The following APC variants were observed in gnomAD, a reference collection of about 807,000 sequenced individuals.
APC encodes the protein APC regulator of Wnt signaling pathway, also known as adenomatous polyposis coli protein.
A neutral mutation model predicts 247.0 loss-of-function variants in APC; 72 were observed. That is an observed-to-expected ratio of 0.29 (90% CI 0.24 to 0.35). APC has a LOEUF of 0.35. Among genes scored for constraint, APC ranks in the 10% least tolerant of loss-of-function variants. The pLI, the probability that APC is intolerant of heterozygous loss-of-function variation, is 1.00. For synonymous variants in APC, 1,254 were observed against 1,162.5 expected, an observed-to-expected ratio of 1.08 and a Z score of -1.60; for missense variants, 3,400 against 3,360.7, an observed-to-expected ratio of 1.01 and a Z score of -0.29.
At chr5:112,825,249 A>G (rs1452733130) in intron 11 of APC, among the ~76,000 whole-genome samples, 2 of 152,282 alleles carry the variant, frequency 1.3e-5, no homozygotes, top group East Asian at 3.9e-4. Flanking sequence ...TCCCCAGTCC[A>G]AGCCACCATC....
intron 1 of APC, among the ~76,000 whole-genome samples, chr5:112,746,278 C>T (rs369988437): frequency 1.3e-4 from 20 of 151,856 alleles, no homozygotes; most frequent in African/African-American, 4.4e-4. Context: ...TTTGAGTATC[C>T]GTCACTTTGA....
intron 1 of APC, among the ~76,000 whole-genome samples, chr5:112,751,407 T>C (rs1353168390): frequency 6.6e-6 from 1 of 152,052 alleles, no homozygotes; most frequent in African/African-American, 2.4e-5. Flanking sequence ...ACTGGGACTG[T>C]AAAATTTATA....
intron 4 of APC, 60 bp downstream of exon 4, chr5:112,767,450 A>G (rs1202737839): frequency 2.3e-6 from 3 of 1,328,382 alleles, no homozygotes; most frequent in Non-Finnish European, 3.2e-6. Context: ...GTTATTTTGT[A>G]ATATAATATT....
intron 8 of APC, among the ~76,000 whole-genome samples, chr5:112,808,673 T>C (rs1761675362): frequency 6.6e-6 from 1 of 152,082 alleles, no homozygotes; most frequent in Non-Finnish European, 1.5e-5. Context: ...GCCTCCTGAG[T>C]TGCTGGGATT....
chr5:112,731,734 A>G (rs1011552086), intron 1 of APC, among the ~76,000 whole-genome samples: 1 of 152,150 alleles, frequency 6.6e-6, no homozygotes, highest in Admixed American at 6.5e-5. Flanking sequence ...CATTTGATAT[A>G]CTAAAACATT....
At chr5:112,816,521 T>G (rs527518560) in intron 9 of APC, among the ~76,000 whole-genome samples, 1 of 152,250 alleles carries the variant, frequency 6.6e-6, no homozygotes, top group South Asian at 2.1e-4. Context: ...AAGCCGGATG[T>G]GGTGGCTCAC....
In APC at chr5:112,707,873, C is replaced by T. The variant is rs1051954601; in HGVS notation, c.156C>T (p.Ser52=). 20 of 1,368,728 alleles carry T rather than the reference C, an allele frequency of 1.5e-5. No homozygotes were observed. Among genetic ancestry groups the T allele is most frequent in the Non-Finnish European group, 1.9e-5 (20 of 1,037,882 alleles). The allele number at this position is 1,368,728 out of a possible 1,614,324, so 84.8% of individuals were successfully genotyped here. ...CTCGTACTTCTGGCCACTGGGCGAGCGTCTGGCAGGTGAGTGAGGCTGCAG... is the reference window on the plus strand; with the variant it reads ...CTCGTACTTCTGGCCACTGGGCGAGTGTCTGGCAGGTGAGTGAGGCTGCAG... Residue 52 remains serine (S), a synonymous_variant, in exon 1 of 14, where the codon AGC becomes AGT. Coordinates refer to the APC transcript ENST00000507379.
intron 7 of APC, among the ~76,000 whole-genome samples, chr5:112,798,782 A>G (rs1033747327): frequency 2.0e-5 from 3 of 152,252 alleles, no homozygotes; most frequent in Non-Finnish European, 2.9e-5. Context: ...GAAAATGAAG[A>G]TAGTAAATGT....
intron 1 of APC, among the ~76,000 whole-genome samples, chr5:112,740,663 C>CT (rs1752908385): frequency 2.0e-5 from 3 of 151,250 alleles, no homozygotes; most frequent in Admixed American, 1.3e-4. Context: ...GTAGCAGGGA[C>CT]TACAGGCACA....
At chr5:112,796,910 A>AT (rs1017868910) in intron 7 of APC, among the ~76,000 whole-genome samples, 8 of 151,922 alleles carry the variant, frequency 5.3e-5, no homozygotes, top group African/African-American at 1.7e-4. Context: ...CAATAGTCAC[A>AT]TTTTTTTCTA....
intron 6 of APC, among the ~76,000 whole-genome samples, chr5:112,786,461 C>G (rs1161267556): frequency 6.6e-6 from 1 of 152,124 alleles, no homozygotes; most frequent in African/African-American, 2.4e-5. Flanking sequence ...TATTTGGTCA[C>G]CTAGTATGGT....
At position 112,841,990 on chromosome 5, in the gene APC, A is replaced by G. The variant is rs1554087396; in HGVS notation, c.6396A>G (p.Ser2132=). ...ACLSRQASSD[S]DSILSLKSGI... ...TATCTAGACAAGCTTCGTCTGATTC[A>G]GATTCCATCCTTTCCCTGAAATCAG... The change falls in exon 16 of 16, where the codon TCA becomes TCG. Residue 2132 remains serine, a synonymous_variant. Transcript: ENST00000257430. This position sits in a 1 kb window ranked among gnomAD's most constrained non-coding sequence, Gnocchi z 4.6. The G allele has an allele frequency of 6.2e-7, 1 of 1,613,326 alleles. No individual in the cohort carries two copies. Among genetic ancestry groups the G allele is most frequent in the South Asian group, 1.1e-5 (1 of 91,058 alleles).
At chr5:112,722,445 C>T (rs1398276543) in intron 1 of APC, among the ~76,000 whole-genome samples, 1 of 152,118 alleles carries the variant, frequency 6.6e-6, no homozygotes, top group Non-Finnish European at 1.5e-5. Flanking sequence ...GCTTTTTCCC[C>T]ACACACCAAT....
chr5:112,814,691 T>C (rs1014221309), intron 8 of APC, among the ~76,000 whole-genome samples: 8 of 152,180 alleles, frequency 5.3e-5, no homozygotes, highest in Admixed American at 5.2e-4. Context: ...ATTCTGATTG[T>C]ACCATTCTCC....
chr5:112,764,922 G>T (rs183657316), intron 2 of APC, among the ~76,000 whole-genome samples: 12 of 152,258 alleles, frequency 7.9e-5, no homozygotes, highest in African/African-American at 2.9e-4. Context: ...AGTTATCACT[G>T]AGCAAATTTG....
In APC at chr5:112,813,604, A is replaced by T. The variant is rs192833807; in HGVS notation, c.835-1891A>T. Among the ~76,000 whole-genome samples, 19 of 152,242 alleles carry T rather than the reference A, an allele frequency of 1.2e-4. No homozygotes were observed. In the East Asian group the frequency reaches 2.5e-3, roughly 20 times the overall value. ...GGCAAACAGTTTACGTTGCTAGCTAACAGGGAAGAAAAGTTTCTAATACGT... is the reference window on the plus strand; with the variant it reads ...GGCAAACAGTTTACGTTGCTAGCTATCAGGGAAGAAAAGTTTCTAATACGT... On this transcript the variant is annotated intron_variant, in intron 8 of 15. Transcript: ENST00000257430.
At chr5:112,777,198 C>G (rs575781655) in intron 5 of APC, among the ~76,000 whole-genome samples, 1 of 151,804 alleles carries the variant, frequency 6.6e-6, no homozygotes, top group African/African-American at 2.4e-5. Context: ...ATTGGATTAC[C>G]TGTGATTTTT....
intron 1 of APC, among the ~76,000 whole-genome samples, chr5:112,743,774 G>T (rs1753309158): frequency 6.6e-6 from 1 of 152,098 alleles, no homozygotes; most frequent in African/African-American, 2.4e-5. Flanking sequence ...ACCAGTCATT[G>T]AACTTAGGGC....
intron 7 of APC, among the ~76,000 whole-genome samples, chr5:112,800,178 G>A (rs752898045): frequency 6.6e-6 from 1 of 151,972 alleles, no homozygotes; most frequent in South Asian, 2.1e-4. Context: ...CATAGTAGAT[G>A]GTCAGTAATT....
Sources: gnomAD v4.1 joint callset for allele counts (sites outside exome capture counted in the v4.1 genomes callset) on GRCh38, gnomAD v4.1.1 for gene constraint, Gnocchi (gnomAD v3.1) non-coding constraint, MANE v1.5 for transcripts, NCBI Gene and HGNC (gene_info 2026-07-23, HGNC 2026-07-21) for gene names.